Variants in GPC5 observed in about 807,000 individuals in gnomAD.
GPC5 encodes the protein glypican 5, also known as glypican-5.
Under a neutral mutation model 53.9 loss-of-function variants are expected in GPC5, and 47 were observed. That is an observed-to-expected ratio of 0.87 (90% CI 0.69 to 1.11). The LOEUF (loss-of-function observed/expected upper bound fraction) is 1.11, where lower values mean the gene tolerates loss of function less well. Ranked by LOEUF, GPC5 falls within the 50% of genes most tolerant of loss-of-function variation. The pLI is 0.00. For missense variants in GPC5, 748 were observed against 713.1 expected (o/e 1.05, Z -0.56); for synonymous variants, 286 against 263.3 (o/e 1.09, Z -0.84).
rs563633022 is a variant in GPC5, at chr13:91,651,489, G to T, written c.326-41698G>T. 1.0e-3 allele frequency among the ~76,000 whole-genome samples: 156 copies of T among 152,262 alleles called. 2 individuals carry two copies. The highest frequency in any genetic ancestry group is 1.8e-3 in the Non-Finnish European group (122 of 68,006). On this transcript the variant is annotated intron_variant, in intron 2 of 7. Coordinates refer to ENST00000377067, the MANE Select transcript of GPC5 (RefSeq NM_004466.6). ...AATCCCAGCATTTTGGGAGGCCAAG[G>T]CATGTGGATCACCTGAGGTTGGGAG...
chr13:91,846,602 A>G (rs1338445662), intron 5 of GPC5, among the ~76,000 whole-genome samples: 1 of 151,838 alleles, frequency 6.6e-6, no homozygotes, highest in African/African-American at 2.4e-5. Flanking sequence ...CTTGTCTATC[A>G]TTGGCTTTTG....
intron 3 of GPC5, among the ~76,000 whole-genome samples, chr13:91,705,060 T>G (rs1379605417): frequency 6.6e-6 from 1 of 152,146 alleles, no homozygotes; most frequent in Non-Finnish European, 1.5e-5. Context: ...GGAAGGGTGG[T>G]GTAAGAGGTG....
chr13:91,906,143 C>T (rs908062481), intron 5 of GPC5, among the ~76,000 whole-genome samples: 10 of 152,022 alleles, frequency 6.6e-5, no homozygotes, highest in African/African-American at 2.2e-4. Context: ...CTATCCATTG[C>T]TTTCCACCAT....
At chr13:92,118,593 C>T (rs1407618888) in intron 6 of GPC5, among the ~76,000 whole-genome samples, 3 of 152,158 alleles carry the variant, frequency 2.0e-5, no homozygotes, top group Non-Finnish European at 4.4e-5. Context: ...ACAGAGGCCA[C>T]ATTCCTGGTT....
chr13:92,548,546 AG>A (rs931490396), intron 7 of GPC5, among the ~76,000 whole-genome samples: 44 of 152,002 alleles, frequency 2.9e-4, no homozygotes, highest in Non-Finnish European at 5.9e-4. Context: ...TTCACACACA[AG>A]AGCTTTAAAA....
intron 5 of GPC5, among the ~76,000 whole-genome samples, chr13:91,772,615 G>A (rs1282920506): frequency 6.6e-6 from 1 of 152,072 alleles, no homozygotes; most frequent in Non-Finnish European, 1.5e-5. Flanking sequence ...AGAGAAGAAG[G>A]AAGATATTTA....
At chr13:91,620,346 C>T (rs1201939935) in intron 2 of GPC5, among the ~76,000 whole-genome samples, 2 of 152,078 alleles carry the variant, frequency 1.3e-5, no homozygotes, top group African/African-American at 2.4e-5. Context: ...ATGAGATGAA[C>T]ATGAGTCTAT....
intron 2 of GPC5, among the ~76,000 whole-genome samples, chr13:91,603,949 GTTT>G: frequency 7.0e-6 from 1 of 141,992 alleles, no homozygotes; most frequent in South Asian, 2.3e-4. Flanking sequence ...GTTCTTACTA[GTTT>G]TTTTTTTTAT....
chr13:91,501,945 G>T (rs1884661370), intron 2 of GPC5, among the ~76,000 whole-genome samples: 1 of 152,166 alleles, frequency 6.6e-6, no homozygotes, highest in Non-Finnish European at 1.5e-5. Flanking sequence ...ATTTTAACTG[G>T]TGTGAGATGG....
chr13:91,957,492 A>G (rs2040084515), intron 6 of GPC5, among the ~76,000 whole-genome samples: 1 of 152,176 alleles, frequency 6.6e-6, no homozygotes, highest in African/African-American at 2.4e-5. Flanking sequence ...AAATACATAC[A>G]ATTCAAAAAG....
At chr13:91,774,583 C>T (rs1304438187) in intron 5 of GPC5, among the ~76,000 whole-genome samples, 1 of 152,098 alleles carries the variant, frequency 6.6e-6, no homozygotes, top group African/African-American at 2.4e-5. Flanking sequence ...CCCATCTCCA[C>T]TCTCCCCTTG....
intron 2 of GPC5, among the ~76,000 whole-genome samples, chr13:91,646,720 C>T (rs2034566347): frequency 6.6e-6 from 1 of 151,996 alleles, no homozygotes; most frequent in Non-Finnish European, 1.5e-5. Flanking sequence ...TCTGGTATAG[C>T]ATATAAAAAG....
chr13:92,234,562 A>G (rs552133906), intron 7 of GPC5, among the ~76,000 whole-genome samples: 1 of 152,142 alleles, frequency 6.6e-6, no homozygotes, highest in East Asian at 1.9e-4. Context: ...AATGAAAGAC[A>G]AAAGGGTTTG....
At chr13:92,497,636 G>A (rs1880025639) in intron 7 of GPC5, among the ~76,000 whole-genome samples, 1 of 151,912 alleles carries the variant, frequency 6.6e-6, no homozygotes, top group Admixed American at 6.6e-5. Flanking sequence ...TTCTAATTCT[G>A]TGAAGAATGT....
intron 7 of GPC5, among the ~76,000 whole-genome samples, chr13:92,634,740 C>T (rs1201639065): frequency 6.6e-6 from 1 of 151,800 alleles, no homozygotes; most frequent in East Asian, 1.9e-4. Flanking sequence ...CTCTCATTGC[C>T]TCTTTGCCCC....
intron 2 of GPC5, among the ~76,000 whole-genome samples, chr13:91,645,438 A>G (rs10492612): frequency 0.074 from 11,262 of 152,144 alleles, 1,392 homozygotes; most frequent in African/African-American, 0.26. Flanking sequence ...ACACTTAAAT[A>G]TAGCTAAACT....
At chr13:92,635,991 G>A (rs1214784307) in intron 7 of GPC5, among the ~76,000 whole-genome samples, 2 of 152,196 alleles carry the variant, frequency 1.3e-5, no homozygotes, top group South Asian at 2.1e-4. Context: ...CAATAATGGC[G>A]AAGACAAATG....
In GPC5 at chr13:92,702,395, C is replaced by T. The variant is rs544971867; in HGVS notation, c.1562-163887C>T. On this transcript the variant is annotated intron_variant, in intron 7 of 7. Coordinates refer to ENST00000377067, the MANE Select transcript of GPC5 (RefSeq NM_004466.6). ...TTAAATTTCCAAAGTGAATTCTTTTCTTCTCCTCTTGCCCCCTCCCCAAAG... is the reference window on the plus strand; with the variant it reads ...TTAAATTTCCAAAGTGAATTCTTTTTTTCTCCTCTTGCCCCCTCCCCAAAG... 9.9e-5 allele frequency among the ~76,000 whole-genome samples: 15 copies of T among 152,144 alleles called. 1 individual carries two copies. The South Asian group carries it at 2.9e-3, about 29-fold the overall frequency.
At chr13:92,473,331 A>G (rs1413855957) in intron 7 of GPC5, among the ~76,000 whole-genome samples, 2 of 152,118 alleles carry the variant, frequency 1.3e-5, no homozygotes, top group Non-Finnish European at 2.9e-5. Flanking sequence ...TTTATACTCG[A>G]TCACACTGTT....
Sources: gnomAD v4.1 joint callset for allele counts (sites outside exome capture counted in the v4.1 genomes callset) on GRCh38, gnomAD v4.1.1 for gene constraint, MANE v1.5 for transcripts, NCBI Gene and HGNC (gene_info 2026-07-23, HGNC 2026-07-21) for gene names.